The following SEMA3A variants were observed in gnomAD, a reference collection of about 807,000 sequenced individuals.
The protein encoded by SEMA3A is semaphorin 3A.
In SEMA3A, 29 loss-of-function variants were observed where a neutral mutation model predicts 97.9. The ratio of observed to expected loss-of-function variants is 0.30; its 90% CI spans 0.22 to 0.40. The LOEUF is 0.40. Among genes scored for constraint, SEMA3A ranks in the 10% least tolerant of loss-of-function variants. SEMA3A has a pLI of 1.00. For synonymous variants in SEMA3A, 321 were observed against 323.7 expected (o/e 0.99, Z 0.09); for missense variants, 763 against 951.3 (o/e 0.80, Z 2.60).
intron 1 of SEMA3A, among the ~76,000 whole-genome samples, chr7:84,447,044 C>T (rs1805431094): frequency 6.6e-6 from 1 of 152,188 alleles, no homozygotes; most frequent in South Asian, 2.1e-4. Context: ...ACTACATGGC[C>T]TCGCTCGGCT....
At chr7:84,258,775 C>T (rs1799774842) in intron 3 of SEMA3A, among the ~76,000 whole-genome samples, 1 of 152,138 alleles carries the variant, frequency 6.6e-6, no homozygotes, top group Admixed American at 6.6e-5. Flanking sequence ...AAAATTATAG[C>T]CCAAGATTCC....
chr7:84,187,884 C>A (rs918203026), intron 1 of SEMA3A, among the ~76,000 whole-genome samples: 9 of 152,060 alleles, frequency 5.9e-5, no homozygotes, highest in African/African-American at 2.2e-4. Flanking sequence ...CCTTTAGAAA[C>A]TCAGAATCTG....
At chr7:83,994,950 G>A (rs985432220) in intron 12 of SEMA3A, among the ~76,000 whole-genome samples, 1 of 152,006 alleles carries the variant, frequency 6.6e-6, no homozygotes, top group African/African-American at 2.4e-5. Flanking sequence ...TCAGACTGCT[G>A]TGCTAGCAAT....
intron 1 of SEMA3A, among the ~76,000 whole-genome samples, chr7:84,164,358 AT>A (rs1205607090): frequency 6.6e-6 from 1 of 152,128 alleles, no homozygotes; most frequent in Non-Finnish European, 1.5e-5. Flanking sequence ...AGTCTCCAAA[AT>A]TTTTTATATA....
chr7:84,099,785 T>G (rs1177870883), intron 4 of SEMA3A, among the ~76,000 whole-genome samples: 1 of 152,194 alleles, frequency 6.6e-6, no homozygotes, highest in Non-Finnish European at 1.5e-5. Context: ...CATCTTTCAC[T>G]CAGTATCAGA....
intron 15 of SEMA3A, among the ~76,000 whole-genome samples, chr7:83,968,549 G>GA (rs1344135202): frequency 1.3e-5 from 2 of 151,868 alleles, no homozygotes; most frequent in Admixed American, 6.6e-5. Context: ...TACATTGACT[G>GA]AAAAAAAGCA....
intron 2 of SEMA3A, among the ~76,000 whole-genome samples, chr7:84,129,723 T>A (rs1451604006): frequency 7.4e-6 from 1 of 134,932 alleles, no homozygotes; most frequent in Non-Finnish European, 1.6e-5. Flanking sequence ...TCCTCTTGAC[T>A]TTTTTTTTTT....
intron 3 of SEMA3A, among the ~76,000 whole-genome samples, chr7:84,203,435 T>C (rs966222991): frequency 1.4e-5 from 2 of 147,682 alleles, no homozygotes; most frequent in Non-Finnish European, 3.0e-5. Flanking sequence ...TGTATACTAA[T>C]TAAAATATTA....
chr7:84,206,836 G>GA (rs1798505990), intron 3 of SEMA3A, among the ~76,000 whole-genome samples: 5 of 105,328 alleles, frequency 4.7e-5, no homozygotes, highest in African/African-American at 1.6e-4. Context: ...ACAGGATATG[G>GA]TAAAAAAAAA....
At chr7:84,059,946 A>G (rs546532017) in intron 5 of SEMA3A, among the ~76,000 whole-genome samples, 1 of 152,224 alleles carries the variant, frequency 6.6e-6, no homozygotes, top group South Asian at 2.1e-4. Flanking sequence ...ATTTGTATCT[A>G]CTTCTATTAT....
chr7:84,136,638 C>A (rs569600587), intron 1 of SEMA3A, among the ~76,000 whole-genome samples: 1 of 152,244 alleles, frequency 6.6e-6, no homozygotes, highest in East Asian at 1.9e-4. Context: ...AACCTGCATC[C>A]CACTGTCAAT....
intron 4 of SEMA3A, among the ~76,000 whole-genome samples, chr7:84,103,900 G>A (rs1158938368): frequency 6.6e-6 from 1 of 151,980 alleles, no homozygotes; most frequent in Non-Finnish European, 1.5e-5. Context: ...ACAAATTAAT[G>A]GAGGCTTTTA....
intron 15 of SEMA3A, among the ~76,000 whole-genome samples, chr7:83,976,230 C>T (rs956408448): frequency 1.3e-5 from 2 of 151,958 alleles, no homozygotes; most frequent in Non-Finnish European, 2.9e-5. Context: ...TATTAAAATC[C>T]ATAAACATGA....
intron 1 of SEMA3A, among the ~76,000 whole-genome samples, chr7:84,142,766 A>G (rs1484982367): frequency 6.6e-6 from 1 of 152,194 alleles, no homozygotes; most frequent in East Asian, 1.9e-4. Context: ...AGTCTCAAAT[A>G]TATATCTTCC....
intron 3 of SEMA3A, among the ~76,000 whole-genome samples, chr7:84,258,988 C>A (rs1406405975): frequency 6.6e-6 from 1 of 151,776 alleles, no homozygotes. Context: ...TTTCTATGAC[C>A]AAGAAACTTA....
chr7:84,261,870 A>G (rs1338388913), intron 3 of SEMA3A, among the ~76,000 whole-genome samples: 1 of 152,262 alleles, frequency 6.6e-6, no homozygotes. Context: ...TTCAACTGGA[A>G]AAGTGACACC....
intron 1 of SEMA3A, among the ~76,000 whole-genome samples, chr7:84,375,455 A>G (rs1803075422): frequency 6.6e-6 from 1 of 152,208 alleles, no homozygotes; most frequent in Admixed American, 6.5e-5. Context: ...CTTCTTCAGT[A>G]TCAGGGTTGA....
chr7:84,375,538 T>C (rs1803077226), intron 1 of SEMA3A, among the ~76,000 whole-genome samples: 1 of 152,190 alleles, frequency 6.6e-6, no homozygotes, highest in Admixed American at 6.5e-5. Context: ...TTTCTTTTAT[T>C]AAAATTTATT....
intron 12 of SEMA3A, among the ~76,000 whole-genome samples, chr7:83,987,475 A>T (rs1318132028): frequency 6.6e-6 from 1 of 152,122 alleles, no homozygotes; most frequent in African/African-American, 2.4e-5. Context: ...ATAAAGAAAA[A>T]GATTCCTCAT....
Sources: allele counts gnomAD v4.1 joint callset (sites outside exome capture counted in the v4.1 genomes callset), GRCh38; gene constraint gnomAD v4.1.1; transcripts MANE v1.5; gene names NCBI Gene and HGNC (gene_info 2026-07-23, HGNC 2026-07-21).